The following NRG3 variants were observed in gnomAD, a reference collection of about 807,000 sequenced individuals.
NRG3 encodes pro-neuregulin-3, membrane-bound isoform.
NRG3 carries 31 observed loss-of-function variants against 66.9 expected under a neutral mutation model. The observed-to-expected ratio is 0.46, with a 90% confidence interval of 0.35 to 0.63. The LOEUF (loss-of-function observed/expected upper bound fraction) is 0.63, where lower values mean the gene tolerates loss of function less well. NRG3 is among the 20% of genes least tolerant of loss of function. NRG3 has a pLI of 0.00. For missense variants in NRG3, 910 were observed against 878.9 expected, an observed-to-expected ratio of 1.04 and a Z score of -0.45; for synonymous variants, 393 against 359.4, an observed-to-expected ratio of 1.09 and a Z score of -1.06.
chr10:82,932,555 A>T lies in NRG3; in HGVS notation c.1055-18914A>T, dbSNP rs1592004526. ...AGTGTATGTGGATGGCATAAAGAAC[A>T]TGTTGGATCTTTCCACCTCTGACTG... On this transcript the variant is annotated intron_variant, in intron 4 of 8. Coordinates refer to ENST00000372141, the MANE Select transcript of NRG3 (RefSeq NM_001010848.4). 2.6e-5 allele frequency among the ~76,000 whole-genome samples: 4 copies of T among 152,038 alleles called. No individual in the cohort carries two copies. In the South Asian group the frequency reaches 8.3e-4, roughly 32 times the overall value.
intron 1 of NRG3, among the ~76,000 whole-genome samples, chr10:82,041,802 G>T (rs936757180): frequency 9.0e-6 from 1 of 110,944 alleles, no homozygotes; most frequent in Admixed American, 1.1e-4. Flanking sequence ...AAGAAGAATG[G>T]TCTACTGATC....
chr10:82,783,567 G>A (rs1009023334), intron 3 of NRG3, among the ~76,000 whole-genome samples: 1 of 151,962 alleles, frequency 6.6e-6, no homozygotes, highest in African/African-American at 2.4e-5. Flanking sequence ...CCAAAAACAG[G>A]CAAACAGAGA....
chr10:82,848,264 G>T (rs1238313306), intron 3 of NRG3, among the ~76,000 whole-genome samples: 2 of 152,198 alleles, frequency 1.3e-5, no homozygotes, highest in East Asian at 3.9e-4. Flanking sequence ...TCCTGCCCAA[G>T]ACTATAGGAA....
At chr10:81,915,757 T>G (rs2132809665) in intron 1 of NRG3, among the ~76,000 whole-genome samples, 1 of 152,184 alleles carries the variant, frequency 6.6e-6, no homozygotes, top group Non-Finnish European at 1.5e-5. Flanking sequence ...AGAATGCAGG[T>G]TTATTCCTTC....
At chr10:81,943,755 A>T (rs1296674045) in intron 1 of NRG3, among the ~76,000 whole-genome samples, 1 of 152,240 alleles carries the variant, frequency 6.6e-6, no homozygotes, top group African/African-American at 2.4e-5. Context: ...TTCATCAGCT[A>T]GAAAACAATG....
At chr10:82,117,029 C>T (rs1011341843) in intron 1 of NRG3, among the ~76,000 whole-genome samples, 1 of 152,102 alleles carries the variant, frequency 6.6e-6, no homozygotes, top group Non-Finnish European at 1.5e-5. Context: ...ACAATGTACC[C>T]CTACAGCTCT....
Position 82,345,717 on chromosome 10 carries a change from C to G in NRG3, c.824-13022C>G, listed in dbSNP as rs201242823. Among the ~76,000 whole-genome samples the G allele has an allele frequency of 8.8e-3, 1,336 of 151,540 alleles. 17 individuals carry two copies. The highest frequency in any genetic ancestry group is 0.024 in the African/African-American group (977 of 41,110). ...ATGAGCATGGAATGTTCTTCCATTT[C>G]TTTGTATCCTCTTTTATTTCCTTGA... On this transcript the variant is annotated intron_variant, in intron 1 of 8. Transcript: ENST00000372141.
chr10:82,736,890 A>T (rs2134720992), intron 2 of NRG3, among the ~76,000 whole-genome samples: 1 of 152,346 alleles, frequency 6.6e-6, no homozygotes, highest in South Asian at 2.1e-4. Context: ...AATCTTCAAA[A>T]AGTGAATGCA....
chr10:82,175,108 C>T (rs1291260025), intron 1 of NRG3, among the ~76,000 whole-genome samples: 2 of 152,092 alleles, frequency 1.3e-5, no homozygotes, highest in Non-Finnish European at 2.9e-5. Flanking sequence ...GACATTAAGA[C>T]CTACCCTTAT....
chr10:82,102,019 ACGC>A (rs2066755394), intron 1 of NRG3, among the ~76,000 whole-genome samples: 1 of 143,844 alleles, frequency 7.0e-6, no homozygotes, highest in Non-Finnish European at 1.5e-5. Context: ...ATATATATAT[ACGC>A]ACACATATAT....
chr10:82,272,445 G>A (rs1319341430), intron 1 of NRG3, among the ~76,000 whole-genome samples: 1 of 152,000 alleles, frequency 6.6e-6, no homozygotes, highest in African/African-American at 2.4e-5. Context: ...GAAACATAAA[G>A]ATGGTAGCAA....
intron 1 of NRG3, among the ~76,000 whole-genome samples, chr10:81,963,326 G>GAT (rs1357194820): frequency 6.6e-6 from 1 of 150,570 alleles, no homozygotes; most frequent in African/African-American, 2.4e-5. Flanking sequence ...GTAGAGACGG[G>GAT]GTTTCACCGT....
At chr10:82,219,337 T>C (rs913800253) in intron 1 of NRG3, among the ~76,000 whole-genome samples, 32 of 146,132 alleles carry the variant, frequency 2.2e-4, no homozygotes, top group African/African-American at 8.1e-4. Context: ...TCTTCAGACA[T>C]TGTCAGATGT....
chr10:82,720,347 G>T (rs902127103), intron 2 of NRG3, among the ~76,000 whole-genome samples: 6 of 151,678 alleles, frequency 4.0e-5, no homozygotes, highest in Non-Finnish European at 8.8e-5. Context: ...CTGAGATTGC[G>T]CCACTGCACT....
chr10:82,524,343 T>C (rs755108507), intron 2 of NRG3, among the ~76,000 whole-genome samples: 3 of 151,996 alleles, frequency 2.0e-5, no homozygotes, highest in Non-Finnish European at 4.4e-5. Flanking sequence ...TAAAAATATA[T>C]ACCATTATAT....
At chr10:82,554,340 A>C (rs942549921) in intron 2 of NRG3, among the ~76,000 whole-genome samples, 2 of 152,196 alleles carry the variant, frequency 1.3e-5, no homozygotes, top group African/African-American at 4.8e-5. Context: ...AATTAATGTG[A>C]TATGATCATT....
At chr10:82,322,754 C>T (rs1252967274) in intron 1 of NRG3, among the ~76,000 whole-genome samples, 1 of 152,144 alleles carries the variant, frequency 6.6e-6, no homozygotes, top group African/African-American at 2.4e-5. Flanking sequence ...CAAACATTTT[C>T]ATGAATTGCA....
At chr10:82,212,959 A>G (rs1052380510) in intron 1 of NRG3, among the ~76,000 whole-genome samples, 13 of 152,180 alleles carry the variant, frequency 8.5e-5, no homozygotes, top group African/African-American at 2.7e-4. Context: ...TTGAGATGCA[A>G]TTAGCACAGA....
At chr10:82,836,225 C>A (rs1302353463) in intron 3 of NRG3, among the ~76,000 whole-genome samples, 2 of 151,970 alleles carry the variant, frequency 1.3e-5, no homozygotes, top group African/African-American at 4.8e-5. Context: ...CCTTCTGGCC[C>A]CCATAGCCTA....
Sources: allele counts gnomAD v4.1 joint callset (sites outside exome capture counted in the v4.1 genomes callset), GRCh38; gene constraint gnomAD v4.1.1; transcripts MANE v1.5; gene names NCBI Gene and HGNC (gene_info 2026-07-23, HGNC 2026-07-21).